The following PRKCG variants were observed in gnomAD, a reference collection of about 807,000 sequenced individuals.
PRKCG encodes protein kinase C gamma.
In PRKCG, 28 loss-of-function variants were observed where a neutral mutation model predicts 82.0. The ratio of observed to expected loss-of-function variants is 0.34; its 90% CI spans 0.25 to 0.47. PRKCG has a LOEUF of 0.47. PRKCG is among the 20% of genes least tolerant of loss of function. PRKCG has a pLI of 1.00. For missense variants in PRKCG, 640 were observed against 952.7 expected (o/e 0.67, Z 4.32); for synonymous variants, 383 against 376.6 (o/e 1.02, Z -0.20).
chr19:53,900,225 C>G lies in PRKCG; in HGVS notation c.1282-8C>G, dbSNP rs1420998141. On this transcript the variant is annotated splice_polypyrimidine_tract_variant and splice_region_variant and intron_variant, in intron 11 of 17. Transcript: ENST00000263431. The surrounding 1 kb of genome is among the most constrained non-coding windows in gnomAD (Gnocchi z 4.2). Reference sequence around the variant, plus strand: ...ATCCCGCCTCTAAGCCCATGCACTTCTCCGCAGGACCGCCTGTATTTCGTG... The same window carrying G: ...ATCCCGCCTCTAAGCCCATGCACTTGTCCGCAGGACCGCCTGTATTTCGTG... 8 of 1,613,310 alleles carry G rather than the reference C, an allele frequency of 5.0e-6. No homozygotes were observed. Among genetic ancestry groups the G allele is most frequent in the Non-Finnish European group, 6.8e-6 (8 of 1,179,382 alleles).
In PRKCG at chr19:53,892,772, A is replaced by ACG. The variant is rs112735174; in HGVS notation, c.821+130_821+131insGC. 29,150 of 1,005,876 alleles carry ACG rather than the reference A, an allele frequency of 0.029. 96 individuals carry two copies. Among genetic ancestry groups the ACG allele is most frequent in the Non-Finnish European group, 0.03 (21,784 of 730,122 alleles). 62.3% of individuals were successfully genotyped at this position (1,005,876 alleles called of 1,614,324 possible). On this transcript the variant is annotated intron_variant, in intron 7 of 17. Coordinates refer to ENST00000263431, the MANE Select transcript of PRKCG (RefSeq NM_002739.5). The surrounding 1 kb of genome is among the most constrained non-coding windows in gnomAD (Gnocchi z 5.9). Reference sequence around the variant, plus strand: ...CATGCGCACACACACACACACACACACACACACACGCACACACACGCACAC... The same window carrying ACG: ...CATGCGCACACACACACACACACACACGCACACACACGCACACACACGCACAC...
intron 5 of PRKCG, among the ~76,000 whole-genome samples, chr19:53,890,554 TG>T (rs1420858828): frequency 1.3e-5 from 2 of 151,740 alleles, no homozygotes; most frequent in African/African-American, 4.8e-5. Context: ...CCACCGCGCC[TG>T]GCCAATGGCT....
At position 53,894,924 on chromosome 19, in the gene PRKCG, C is replaced by T. The variant is rs564329612; in HGVS notation, c.939+1533C>T. Among the ~76,000 whole-genome samples the T allele has an allele frequency of 1.4e-3, 220 of 152,250 alleles. 1 individual carries two copies. Among genetic ancestry groups the T allele is most frequent in the African/African-American group, 5.1e-3 (211 of 41,544 alleles). ...ATGGAGACAGCCTCAGGCACTGGGG[C>T]GTCCCTGGCACAGCCTGAGTCAGAG... is the stretch of plus-strand genomic sequence containing the variant. On this transcript the variant is annotated intron_variant, in intron 9 of 17. Transcript: ENST00000263431.
rs545736593 is a variant in PRKCG, at chr19:53,889,351, A to G, written c.286-287A>G. Among the ~76,000 whole-genome samples the G allele has an allele frequency of 1.3e-5, 2 of 151,758 alleles. No homozygotes were observed. Among genetic ancestry groups the G allele is most frequent in the East Asian group, 3.9e-4 (2 of 5,170 alleles). Reference sequence around the variant, plus strand: ...AGCACCCATTACCAACCATCAAACTATATGTTTTATTTATTTACCATGTTT... The same window carrying G: ...AGCACCCATTACCAACCATCAAACTGTATGTTTTATTTATTTACCATGTTT... On this transcript the variant is annotated intron_variant, in intron 3 of 17. Coordinates refer to ENST00000263431, the MANE Select transcript of PRKCG (RefSeq NM_002739.5). The surrounding 1 kb of genome is among the most constrained non-coding windows in gnomAD (Gnocchi z 4.4).
rs1431155643 is a variant in PRKCG, at chr19:53,893,012, G to A, written c.846G>A (p.Glu282=). The A allele has an allele frequency of 6.2e-7, 1 of 1,614,086 alleles. No homozygotes were observed. Among genetic ancestry groups the A allele is most frequent in the South Asian group, 1.1e-5 (1 of 91,074 alleles). ...DGWYKLLNQE[E]GEYYNVPVAD... ...GGTACAAGTTACTGAACCAGGAGGA[G>A]GGCGAGTATTACAATGTGCCGGTGG... The change falls in exon 8 of 18, where the codon GAG becomes GAA. Residue 282 remains glutamate, a synonymous_variant. Coordinates refer to ENST00000263431, the MANE Select transcript of PRKCG (RefSeq NM_002739.5).
intron 3 of PRKCG, among the ~76,000 whole-genome samples, chr19:53,888,401 G>A (rs1438229347): frequency 6.6e-6 from 1 of 152,138 alleles, no homozygotes; most frequent in East Asian, 1.9e-4. Flanking sequence ...AGGGGAGAAG[G>A]AGAAGCTTCA....
Position 53,883,296 on chromosome 19 carries a change from G to A in PRKCG, c.202+102G>A. ...ACACGTGTTCTCTGGTCCCCAGAGA[G>A]GCGCGGGGGAGCCCGGGGCGGGGGG... On this transcript the variant is annotated intron_variant, in intron 2 of 17. Coordinates refer to ENST00000263431, the MANE Select transcript of PRKCG (RefSeq NM_002739.5). This position sits in a 1 kb window ranked among gnomAD's most constrained non-coding sequence, Gnocchi z 5.4. The A allele has an allele frequency of 7.0e-7, 1 of 1,418,808 alleles. No homozygotes were observed. Among genetic ancestry groups the A allele is most frequent in the Non-Finnish European group, 9.9e-7 (1 of 1,010,564 alleles). The allele number at this position is 1,418,808 out of a possible 1,614,324, so 87.9% of individuals were successfully genotyped here. A position where few individuals can be genotyped will look rare whatever the true frequency, so the allele number is the denominator to read the frequency against.
chr19:53,892,863 C>A lies in PRKCG; in HGVS notation c.822-125C>A. The A allele has an allele frequency of 9.2e-7, 1 of 1,081,912 alleles. No individual in the cohort carries two copies. Among genetic ancestry groups the A allele is most frequent in the Non-Finnish European group, 1.4e-6 (1 of 728,438 alleles). The allele number at this position is 1,081,912 out of a possible 1,614,324, so 67.0% of individuals were successfully genotyped here. ...TCTCCCTCTCCCTCTCTTTTTATCT[C>A]ACTCTTTCTCTCTTCCATCTCTGTG... is the stretch of plus-strand genomic sequence containing the variant. On this transcript the variant is annotated intron_variant, in intron 7 of 17. Coordinates refer to ENST00000263431, the MANE Select transcript of PRKCG (RefSeq NM_002739.5). This position sits in a 1 kb window ranked among gnomAD's most constrained non-coding sequence, Gnocchi z 5.9.
In PRKCG at chr19:53,904,638, C is replaced by T. The variant is rs1342866443; in HGVS notation, c.1660C>T (p.Pro554Ser). The T allele has an allele frequency of 6.2e-7, 1 of 1,612,684 alleles. No individual in the cohort carries two copies. The highest frequency in any genetic ancestry group is 8.5e-7 in the Non-Finnish European group (1 of 1,179,630). The change falls in exon 16 of 18, where the codon CCC becomes TCC. Residue 554 changes from proline to serine, a missense_variant. This residue lies in a region of PRKCG where 198 missense variants were observed against 273.4 expected (regional missense o/e 0.72). Transcript: ENST00000263431. The stretch of plus-strand genomic sequence containing the variant: ...TCTATCCCCTCCACTTTGATAGCCT[C>T]CCTTCGATGGGGAGGACGAGGAGGA... ...LLYEMLAGQP[P>S]FDGEDEEELF...
chr19:53,906,456 C>A lies in PRKCG; in HGVS notation c.1904C>A (p.Pro635Gln). ...ATCCCGCCTCCTTTCAGACCCCGCC[C>A]GGTCAGTCACCCTCCAGGCAACAAA... ...LEIPPPFRPRPCGRSGENFDK... is the reference protein window; with the variant it reads ...LEIPPPFRPRQCGRSGENFDK... The change falls in exon 17 of 18, where the codon CCG (proline) becomes CAG (glutamine). Residue 635 changes from proline to glutamine, a missense_variant and splice_region_variant. By Grantham distance (76) the Pro-to-Gln change is moderately conservative. Around this residue, in one of 7 missense-constraint regions of PRKCG, gnomAD observed 198 missense variants for 273.4 expected, o/e 0.72. Transcript: ENST00000263431. 1 of 1,574,656 alleles carries A rather than the reference C, an allele frequency of 6.4e-7. No individual in the cohort carries two copies. Among genetic ancestry groups the A allele is most frequent in the Non-Finnish European group, 8.6e-7 (1 of 1,159,424 alleles).
At chr19:53,898,922 T>A (rs1430450123) in intron 11 of PRKCG, among the ~76,000 whole-genome samples, 1 of 59,806 alleles carries the variant, frequency 1.7e-5, no homozygotes, top group Admixed American at 2.5e-4. Flanking sequence ...ATCGGGGGCG[T>A]GGCCAGGCAG....
chr19:53,900,360 G>A lies in PRKCG; in HGVS notation c.1373+36G>A. 2 of 1,613,946 alleles carry A rather than the reference G, an allele frequency of 1.2e-6. No individual in the cohort carries two copies. The highest frequency in any genetic ancestry group is 1.1e-5 in the South Asian group (1 of 91,080). ...GCCAACAGAGAATGGTCGGGGTGGT[G>A]GAAGGGGGCAGGATCCAGCCACTGA... is the stretch of plus-strand genomic sequence containing the variant. On this transcript the variant is annotated intron_variant, in intron 12 of 17. Transcript: ENST00000263431. This position sits in a 1 kb window ranked among gnomAD's most constrained non-coding sequence, Gnocchi z 4.2.
chr19:53,906,394 C>G lies in PRKCG; in HGVS notation c.1842C>G (p.Phe614Leu). ...GEPTIRAHGF[F>L]RWIDWERLER... ...CTACCATCCGTGCACATGGCTTTTT[C>G]CGCTGGATTGACTGGGAGCGGCTGG... Residue 614 changes from phenylalanine to leucine, a missense_variant, in exon 17 of 18, where the codon TTC becomes TTG. By Grantham distance (22) the Phe-to-Leu change is conservative. Transcript: ENST00000263431. 1 of 1,566,478 alleles carries G rather than the reference C, an allele frequency of 6.4e-7. No homozygotes were observed.
rs993108301 is a variant in PRKCG, at chr19:53,906,230, C to T, written c.1765-87C>T. 3 of 1,519,754 alleles carry T rather than the reference C, an allele frequency of 2.0e-6. No individual in the cohort carries two copies. The African/African-American group carries it at 4.2e-5, about 21-fold the overall frequency. The allele number at this position is 1,519,754 out of a possible 1,614,324, so 94.1% of individuals were successfully genotyped here. ...TGCCTGTGTCTCTTGGTTCCTCCAT[C>T]TGCCTGTCTCTGTCCCTCTTTCTCT... On this transcript the variant is annotated intron_variant, in intron 16 of 17. Transcript: ENST00000263431.
rs1568755048 is a variant in PRKCG at position 53,892,597 on chromosome 19, A to C, written c.775A>C (p.Met259Leu). ...RTSRNDFMGA[M>L]SFGVSELLKA... ...CTCCCGCAACGACTTCATGGGGGCC[A>C]TGTCCTTTGGCGTCTCGGAGCTGCT... The change falls in exon 7 of 18, where the codon ATG (methionine) becomes CTG (leucine). Residue 259 changes from methionine to leucine, a missense_variant. By Grantham distance (15) the Met-to-Leu change is conservative. This residue lies in a region of PRKCG where 261 missense variants were observed against 312.1 expected (regional missense o/e 0.84). Coordinates refer to ENST00000263431, the MANE Select transcript of PRKCG (RefSeq NM_002739.5). This position sits in a 1 kb window ranked among gnomAD's most constrained non-coding sequence, Gnocchi z 5.9. 3 of 1,613,404 alleles carry C rather than the reference A, an allele frequency of 1.9e-6. No individual in the cohort carries two copies. The highest frequency in any genetic ancestry group is 1.1e-5 in the South Asian group (1 of 91,078).
At chr19:53,885,213 TGG>T (rs560491272) in intron 3 of PRKCG, among the ~76,000 whole-genome samples, 75 of 152,304 alleles carry the variant, frequency 4.9e-4, no homozygotes, top group African/African-American at 1.6e-3. Context: ...TCATTTGAAT[TGG>T]CTTAAATTTT....
intron 17 of PRKCG, 70 bp from the exon 18 acceptor site, chr19:53,906,636 TG>T: frequency 1.9e-6 from 3 of 1,570,798 alleles, no homozygotes; most frequent in Non-Finnish European, 2.6e-6. Flanking sequence ...GAGATGAGAC[TG>T]GGGTACACAG....
At chr19:53,894,388 A>G (rs143253040) in intron 9 of PRKCG, among the ~76,000 whole-genome samples, 4 of 152,126 alleles carry the variant, frequency 2.6e-5, no homozygotes, top group East Asian at 1.9e-4. Flanking sequence ...TAAAAAATCT[A>G]TCAAGCATGA....
chr19:53,906,084 C>CTTCTT lies in PRKCG; in HGVS notation c.1765-233_1765-232insTTCTT, dbSNP rs1555808689. 3.6e-3 allele frequency among the ~76,000 whole-genome samples: 102 copies of CTTCTT among 27,948 alleles called. 1 individual carries two copies. Among genetic ancestry groups the CTTCTT allele is most frequent in the South Asian group, 0.017 (12 of 722 alleles). 18.3% of individuals were successfully genotyped at this position (27,948 alleles called of 152,430 possible). On this transcript the variant is annotated intron_variant, in intron 16 of 17. Coordinates refer to ENST00000263431, the MANE Select transcript of PRKCG (RefSeq NM_002739.5). ...TCCTCCTCCTCCTCCTCCTCCTCCT[C>CTTCTT]CTTCTTCTTCTTCTTCTTCTTCTTC...
Sources: allele counts gnomAD v4.1 joint callset (sites outside exome capture counted in the v4.1 genomes callset), GRCh38; gene constraint gnomAD v4.1.1; regional missense constraint gnomAD v4.1.1; non-coding constraint Gnocchi (gnomAD v3.1); transcripts MANE v1.5; gene names NCBI Gene and HGNC (gene_info 2026-07-23, HGNC 2026-07-21).